Variants in DSCAML1 observed in about 807,000 individuals in gnomAD.
DSCAML1 encodes cell adhesion molecule DSCAML1.
Under a neutral mutation model 200.5 loss-of-function variants are expected in DSCAML1, and 38 were observed. The observed-to-expected ratio is 0.19, with a 90% CI of 0.15 to 0.25. The LOEUF (loss-of-function observed/expected upper bound fraction) is 0.25. DSCAML1 is among the 10% of genes least tolerant of loss of function. The pLI is 1.00. For missense variants in DSCAML1, 2,223 were observed against 2,858.8 expected, an observed-to-expected ratio of 0.78 and a Z score of 5.07; for synonymous variants, 1,215 against 1,165.0, an observed-to-expected ratio of 1.04 and a Z score of -0.87.
At chr11:117,556,019 G>C (rs571722730) in intron 3 of DSCAML1, among the ~76,000 whole-genome samples, 1 of 152,276 alleles carries the variant, frequency 6.6e-6, no homozygotes, top group African/African-American at 2.4e-5. Flanking sequence ...CAGTTGCACT[G>C]TCTGGGGCCA....
intron 3 of DSCAML1, among the ~76,000 whole-genome samples, chr11:117,731,585 T>C (rs1203574346): frequency 6.6e-6 from 1 of 152,172 alleles, no homozygotes; most frequent in Non-Finnish European, 1.5e-5. Context: ...GGTGGCCCCC[T>C]GGATCCCCCC....
intron 3 of DSCAML1, among the ~76,000 whole-genome samples, chr11:117,744,308 A>G (rs2054476395): frequency 6.6e-6 from 1 of 152,216 alleles, no homozygotes; most frequent in Non-Finnish European, 1.5e-5. Context: ...TGACCACCTC[A>G]GTGTACTCCC....
intron 3 of DSCAML1, among the ~76,000 whole-genome samples, chr11:117,676,496 C>G (rs1305261305): frequency 6.6e-6 from 1 of 152,208 alleles, no homozygotes; most frequent in Non-Finnish European, 1.5e-5. Context: ...GGTCCCAAAC[C>G]TGCCTCTCCA....
chr11:117,502,283 CAG>C (rs1468977882), intron 11 of DSCAML1, among the ~76,000 whole-genome samples: 1 of 152,204 alleles, frequency 6.6e-6, no homozygotes. Context: ...CTACTTGCCA[CAG>C]AGCCGGCAGC....
intron 3 of DSCAML1, among the ~76,000 whole-genome samples, chr11:117,718,675 C>CAA (rs1348791958): frequency 0.081 from 6,609 of 82,010 alleles, 1,436 homozygotes; most frequent in African/African-American, 0.17. Flanking sequence ...AAAACCCCCC[C>CAA]CCCCCCCCAT....
Position 117,504,748 on chromosome 11 carries a change from G to A in DSCAML1, c.2182+176C>T, listed in dbSNP as rs1367615146. On this transcript the variant is annotated intron_variant, in intron 10 of 32. Transcript: ENST00000651296. This position sits in a 1 kb window ranked among gnomAD's most constrained non-coding sequence, Gnocchi z 5.0. ...CTGTTCCTGGTCCACAGACCCCCGG[G>A]GGTGGCTGAGGATGACTCCAGGTGA... is the stretch of plus-strand genomic sequence containing the variant. 6.6e-6 allele frequency among the ~76,000 whole-genome samples: 1 copy of A among 152,144 alleles called. No individual in the cohort carries two copies. Among genetic ancestry groups the A allele is most frequent in the East Asian group, 1.9e-4 (1 of 5,186 alleles).
intron 3 of DSCAML1, among the ~76,000 whole-genome samples, chr11:117,722,640 T>C (rs1893037): frequency 0.98 from 149,292 of 152,274 alleles, 73,261 homozygotes; most frequent in Middle Eastern, 1. Flanking sequence ...ACTCTGTATC[T>C]CATAAACATA....
intron 3 of DSCAML1, among the ~76,000 whole-genome samples, chr11:117,722,306 T>TAAA (rs34365570): frequency 4.4e-5 from 5 of 114,278 alleles, no homozygotes; most frequent in Non-Finnish European, 7.6e-5. Flanking sequence ...ATGGGGGAGC[T>TAAA]AAAAAAAAAA....
intron 3 of DSCAML1, among the ~76,000 whole-genome samples, chr11:117,696,085 T>C (rs143752822): frequency 5.1e-4 from 78 of 152,190 alleles, no homozygotes; most frequent in African/African-American, 1.7e-3. Flanking sequence ...CGGTGAAAGC[T>C]GAAGGAAAAG....
At position 117,542,353 on chromosome 11, in the gene DSCAML1, C is replaced by A. The variant is rs982693633; in HGVS notation, c.512-9831G>T. Among the ~76,000 whole-genome samples, 420 of 150,772 alleles carry A rather than the reference C, an allele frequency of 2.8e-3. 3 individuals carry two copies. Among genetic ancestry groups the A allele is most frequent in the African/African-American group, 7.1e-3 (288 of 40,744 alleles). ...ACAAAAACAACAACAACAACAACAA[C>A]AAAAAAAAAACAGTGCAGGCGATGT... On this transcript the variant is annotated intron_variant, in intron 3 of 32. Transcript: ENST00000651296.
intron 20 of DSCAML1, among the ~76,000 whole-genome samples, chr11:117,447,494 G>C (rs2137109177): frequency 6.6e-6 from 1 of 151,582 alleles, no homozygotes; most frequent in Middle Eastern, 3.4e-3. Context: ...TACATCACCA[G>C]TGTTTATCTG....
In DSCAML1 at chr11:117,516,551, C is replaced by A; in HGVS notation, c.1699G>T (p.Gly567Cys). The A allele has an allele frequency of 1.9e-6, 3 of 1,614,054 alleles. No individual in the cohort carries two copies. The highest frequency in any genetic ancestry group is 2.5e-6 in the Non-Finnish European group (3 of 1,180,030). The change falls in exon 8 of 33, where the codon GGC becomes TGC. Residue 567 changes from glycine (G) to cysteine (C), a missense_variant. Physicochemically the swap from Gly to Cys is radical, Grantham distance 159. This residue lies in a region of DSCAML1 where 212 missense variants were observed against 368.0 expected (regional missense o/e 0.58). Transcript: ENST00000651296. The surrounding 1 kb of genome is among the most constrained non-coding windows in gnomAD (Gnocchi z 5.7). Reference sequence around the variant, plus strand: ...CACAGGTACTCCCCCTCATCCATGCCCTTCTGCACGTCAGTCAGCTTGAGG... The same window carrying A: ...CACAGGTACTCCCCCTCATCCATGCACTTCTGCACGTCAGTCAGCTTGAGG... ...GTLKLTDVQKGMDEGEYLCSV... is the reference protein window; with the variant it reads ...GTLKLTDVQKCMDEGEYLCSV...
At chr11:117,634,220 C>T (rs559462901) in intron 3 of DSCAML1, among the ~76,000 whole-genome samples, 9 of 152,188 alleles carry the variant, frequency 5.9e-5, no homozygotes, top group Admixed American at 1.3e-4. Flanking sequence ...AGAGTGTGGA[C>T]GGGAGCTGTG....
chr11:117,458,942 C>A, intron 18 of DSCAML1, 33 bp from the exon 19 acceptor site: 1 of 1,602,340 alleles, frequency 6.2e-7, no homozygotes, highest in Non-Finnish European at 8.5e-7. Flanking sequence ...GAGGACCCAG[C>A]TCCATCGGGC....
intron 3 of DSCAML1, among the ~76,000 whole-genome samples, chr11:117,744,535 C>T (rs2054481235): frequency 6.6e-6 from 1 of 152,230 alleles, no homozygotes; most frequent in Admixed American, 6.5e-5. Context: ...GCTTCCCCAT[C>T]GGAAGGGACT....
At chr11:117,669,235 C>T (rs1362908369) in intron 3 of DSCAML1, among the ~76,000 whole-genome samples, 2 of 152,198 alleles carry the variant, frequency 1.3e-5, no homozygotes, top group African/African-American at 4.8e-5. Flanking sequence ...AAGACAAGTC[C>T]TCCATTGAAG....
At chr11:117,472,780 A>G (rs1049349761) in intron 14 of DSCAML1, among the ~76,000 whole-genome samples, 1 of 152,224 alleles carries the variant, frequency 6.6e-6, no homozygotes, top group Non-Finnish European at 1.5e-5. Flanking sequence ...GACTGAACAT[A>G]TCGTGATGGT....
intron 3 of DSCAML1, among the ~76,000 whole-genome samples, chr11:117,572,469 G>A (rs2050862806): frequency 6.6e-6 from 1 of 152,182 alleles, no homozygotes; most frequent in Non-Finnish European, 1.5e-5. Context: ...TTGTGAAACT[G>A]GCTTGTGGCA....
intron 3 of DSCAML1, among the ~76,000 whole-genome samples, chr11:117,750,121 A>T (rs1167362293): frequency 2.0e-5 from 3 of 152,154 alleles, no homozygotes; most frequent in Non-Finnish European, 2.9e-5. Context: ...CACTCGGGAA[A>T]TGTTGGGTAA....
Sources: allele counts gnomAD v4.1 joint callset (sites outside exome capture counted in the v4.1 genomes callset), GRCh38; gene constraint gnomAD v4.1.1; regional missense constraint gnomAD v4.1.1; non-coding constraint Gnocchi (gnomAD v3.1); transcripts MANE v1.5; gene names NCBI Gene and HGNC (gene_info 2026-07-23, HGNC 2026-07-21).